Variants in TAF4 observed in about 807,000 individuals in gnomAD.
The protein encoded by TAF4 is transcription initiation factor TFIID subunit 4.
A neutral mutation model predicts 90.3 loss-of-function variants in TAF4; 9 were observed. The observed-to-expected ratio is 0.10, with a 90% CI of 0.06 to 0.17. The LOEUF is 0.17. Ranked by LOEUF, TAF4 falls within the 10% of genes least tolerant of loss-of-function variation. The probability of loss-of-function intolerance (pLI) is 1.00; values close to 1 mark genes in which losing one functional copy is unlikely to be tolerated. For missense variants in TAF4, 1,351 were observed against 1,370.7 expected (o/e 0.99, Z 0.23); for synonymous variants, 818 against 638.9 (o/e 1.28, Z -4.23).
intron 1 of TAF4, among the ~76,000 whole-genome samples, chr20:62,056,309 A>G (rs744778): frequency 0.7 from 106,497 of 152,160 alleles, 37,447 homozygotes; most frequent in Middle Eastern, 0.8. Flanking sequence ...GCCAACATCC[A>G]CATGAACGAG....
At chr20:62,022,137 G>T (rs1461855074) in intron 1 of TAF4, among the ~76,000 whole-genome samples, 1 of 151,980 alleles carries the variant, frequency 6.6e-6, no homozygotes, top group Admixed American at 6.5e-5. Flanking sequence ...ATGGTATCAC[G>T]AAAGTGTCTG....
At chr20:62,037,807 G>A (rs1406531786) in intron 1 of TAF4, 5 of 221,440 alleles carry the variant, frequency 2.3e-5, no homozygotes, top group Non-Finnish European at 3.8e-5. Context: ...ATAAAGGGAC[G>A]TCTTTCAGAC....
chr20:62,014,013 G>T lies in TAF4; in HGVS notation c.1521+534C>A, dbSNP rs932373967. Among the ~76,000 whole-genome samples the T allele has an allele frequency of 1.4e-3, 171 of 122,354 alleles. 5 individuals carry two copies. The highest frequency in any genetic ancestry group is 6.6e-3 in the African/African-American group (161 of 24,454). The allele number at this position is 122,354 out of a possible 152,430, so 80.3% of individuals were successfully genotyped here. ...CTTCGGCCCTGAAGGCTGACGCGGG[G>T]GTGTGGGTGTGTGTGTGTGTGTGTG... is the stretch of plus-strand genomic sequence containing the variant. On this transcript the variant is annotated intron_variant, in intron 2 of 14. Transcript: ENST00000252996.
At chr20:62,050,040 G>A (rs905904585) in intron 1 of TAF4, among the ~76,000 whole-genome samples, 2 of 152,098 alleles carry the variant, frequency 1.3e-5, no homozygotes, top group African/African-American at 2.4e-5. Context: ...TTCACCCAAC[G>A]CCTACTGTCA....
intron 1 of TAF4, among the ~76,000 whole-genome samples, chr20:62,056,397 G>A (rs976916222): frequency 2.4e-4 from 36 of 152,186 alleles, no homozygotes; most frequent in Non-Finnish European, 5.1e-4. Context: ...ATTCCCAAAA[G>A]TCGTATTCTG....
intron 14 of TAF4, among the ~76,000 whole-genome samples, chr20:61,977,595 C>T (rs566053297): frequency 1.4e-4 from 22 of 152,106 alleles, no homozygotes; most frequent in Non-Finnish European, 2.8e-4. Flanking sequence ...CTCTGACCCA[C>T]TGCATTTTCT....
intron 1 of TAF4, among the ~76,000 whole-genome samples, chr20:62,017,122 C>A (rs997894696): frequency 6.6e-6 from 1 of 150,984 alleles, no homozygotes; most frequent in Non-Finnish European, 1.5e-5. Flanking sequence ...GCCTGGACCA[C>A]AGAGTGAGAC....
At chr20:62,033,829 T>TCAGG (rs1463605932) in intron 1 of TAF4, among the ~76,000 whole-genome samples, 1 of 150,998 alleles carries the variant, frequency 6.6e-6, no homozygotes, top group Non-Finnish European at 1.5e-5. Flanking sequence ...GATCACGAGG[T>TCAGG]CAGGAGATCG....
intron 14 of TAF4, among the ~76,000 whole-genome samples, chr20:61,995,788 G>A (rs1346087872): frequency 1.4e-5 from 1 of 69,150 alleles, no homozygotes; most frequent in East Asian, 3.9e-4. Flanking sequence ...GCGTGAACCC[G>A]GGAAGCGGAG....
chr20:62,045,423 T>A (rs977518141), intron 1 of TAF4, among the ~76,000 whole-genome samples: 1 of 152,174 alleles, frequency 6.6e-6, no homozygotes, highest in African/African-American at 2.4e-5. Context: ...GGTTTAAGCT[T>A]CAGAGAACAG....
Position 61,975,797 on chromosome 20 carries a change from C to T in TAF4, c.*371G>A, listed in dbSNP as rs550393211. The stretch of plus-strand genomic sequence containing the variant: ...AATGAGGTCATCGGCTGTAGACATA[C>T]ACCTACATAGTAAGTTAGGTAGAAC... On this transcript the variant is annotated 3_prime_UTR_variant, in exon 15 of 15. Coordinates refer to ENST00000252996, the MANE Select transcript of TAF4 (RefSeq NM_003185.4). 1.3e-5 allele frequency: 3 copies of T among 223,954 alleles called. No individual in the cohort carries two copies. In the East Asian group the frequency reaches 3.0e-4, roughly 23 times the overall value. 13.9% of individuals were successfully genotyped at this position (223,954 alleles called of 1,614,324 possible). A position where few individuals can be genotyped will look rare whatever the true frequency, so the allele number is the denominator to read the frequency against.
At chr20:61,996,289 G>A (rs1451680185) in intron 14 of TAF4, among the ~76,000 whole-genome samples, 2 of 152,108 alleles carry the variant, frequency 1.3e-5, no homozygotes, top group African/African-American at 4.8e-5. Context: ...AGCTGAGGCA[G>A]GAGGATCACC....
At chr20:61,979,885 G>A (rs1454289030) in intron 14 of TAF4, among the ~76,000 whole-genome samples, 3 of 152,194 alleles carry the variant, frequency 2.0e-5, no homozygotes, top group South Asian at 2.1e-4. Context: ...CAGGCGCGAC[G>A]GCCACTCCAG....
In TAF4 at chr20:62,064,635, G is replaced by A. The variant is rs747545932; in HGVS notation, c.1176C>T (p.Pro392=). The A allele has an allele frequency of 3.1e-5, 42 of 1,346,716 alleles. 1 individual carries two copies. In the South Asian group the frequency reaches 6.2e-4, roughly 20 times the overall value. 83.4% of individuals were successfully genotyped at this position (1,346,716 alleles called of 1,614,324 possible). ...GCAGCCCGGTGGGGGTCCCGGGGGC[G>A]GGCGGCGGGACGGCGGCCGGGCTGG... ...ALPSPAAVPP[P]APGTPTGLPK... Residue 392 remains proline (P), a synonymous_variant, in exon 1 of 15, where the codon CCC becomes CCT. Coordinates refer to ENST00000252996, the MANE Select transcript of TAF4 (RefSeq NM_003185.4).
rs2055744579 is a variant in TAF4, at chr20:62,006,276, C to T, written c.2223+234G>A. 1.2e-5 allele frequency: 6 copies of T among 483,422 alleles called. No homozygotes were observed. The Admixed American group carries it at 1.3e-4, about 11-fold the overall frequency. 29.9% of individuals were successfully genotyped at this position (483,422 alleles called of 1,614,324 possible). On this transcript the variant is annotated intron_variant, in intron 7 of 14. Coordinates refer to ENST00000252996, the MANE Select transcript of TAF4 (RefSeq NM_003185.4). The surrounding 1 kb of genome is among the most constrained non-coding windows in gnomAD (Gnocchi z 7.0). Reference sequence around the variant, plus strand: ...CAGACAAGGCAGGGCGGGGACGTGCCGGTGGTTCAAAGCCAACTCAACTAT... The same window carrying T: ...CAGACAAGGCAGGGCGGGGACGTGCTGGTGGTTCAAAGCCAACTCAACTAT...
chr20:62,017,979 T>C (rs562888367), intron 1 of TAF4, among the ~76,000 whole-genome samples: 11 of 149,600 alleles, frequency 7.4e-5, no homozygotes, highest in African/African-American at 2.3e-4. Context: ...GAAACAGCCA[T>C]GGGTCACTGT....
chr20:62,023,129 G>A (rs932447509), intron 1 of TAF4, among the ~76,000 whole-genome samples: 3 of 151,956 alleles, frequency 2.0e-5, no homozygotes, highest in Non-Finnish European at 4.4e-5. Context: ...AAAAGTCTTA[G>A]ATTAACCAAC....
chr20:62,063,440 C>A (rs371596440), intron 1 of TAF4, among the ~76,000 whole-genome samples: 15 of 152,268 alleles, frequency 9.9e-5, no homozygotes, highest in African/African-American at 3.4e-4. Context: ...GCACCCACCA[C>A]GGCGGCTGGG....
chr20:62,049,015 G>A lies in TAF4; in HGVS notation c.1360+15436C>T, dbSNP rs559258936. On this transcript the variant is annotated intron_variant, in intron 1 of 14. Coordinates refer to ENST00000252996, the MANE Select transcript of TAF4 (RefSeq NM_003185.4). ...GGCCCTCTCCCCACATGCCCACCTC[G>A]GTCACTGGGCTCCATCCCCCCTCCC... is the stretch of plus-strand genomic sequence containing the variant. 6.8e-4 allele frequency among the ~76,000 whole-genome samples: 45 copies of A among 66,232 alleles called. 1 individual carries two copies. In the East Asian group the frequency reaches 0.015, roughly 22 times the overall value. 43.5% of individuals were successfully genotyped at this position (66,232 alleles called of 152,430 possible). A position where few individuals can be genotyped will look rare whatever the true frequency, so the allele number is the denominator to read the frequency against.
Sources: allele counts gnomAD v4.1 joint callset (sites outside exome capture counted in the v4.1 genomes callset), GRCh38; gene constraint gnomAD v4.1.1; non-coding constraint Gnocchi (gnomAD v3.1); transcripts MANE v1.5; gene names NCBI Gene and HGNC (gene_info 2026-07-23, HGNC 2026-07-21).